The following WSCD2 variants were observed in gnomAD, a reference collection of about 807,000 sequenced individuals.
The protein encoded by WSCD2 is WSC domain sialate O sulfotransferase 2.
A neutral mutation model predicts 55.7 loss-of-function variants in WSCD2; 28 were observed. The ratio of observed to expected loss-of-function variants is 0.50; its 90% CI spans 0.37 to 0.69. WSCD2 has a LOEUF of 0.69. Among genes scored for constraint, WSCD2 ranks in the 30% least tolerant of loss-of-function variants. The probability of loss-of-function intolerance (pLI) is 0.00; values close to 1 mark genes in which losing one functional copy is unlikely to be tolerated. For synonymous variants in WSCD2, 301 were observed against 301.9 expected (o/e 1.00, Z 0.03); for missense variants, 616 against 762.1 (o/e 0.81, Z 2.26).
intron 1 of WSCD2, among the ~76,000 whole-genome samples, chr12:108,177,664 TA>T (rs1266598321): frequency 6.6e-6 from 1 of 152,182 alleles, no homozygotes; most frequent in African/African-American, 2.4e-5. Context: ...CTCACACCTG[TA>T]ATCTCAGCAC....
intron 1 of WSCD2, among the ~76,000 whole-genome samples, chr12:108,132,999 G>T (rs922327616): frequency 6.6e-6 from 1 of 152,148 alleles, no homozygotes; most frequent in Non-Finnish European, 1.5e-5. Context: ...GTAAACGTGT[G>T]TTTCTGAACG....
At chr12:108,232,579 C>T (rs771320506) in intron 6 of WSCD2, 152 bp from the exon 7 acceptor site, 10 of 679,592 alleles carry the variant, frequency 1.5e-5, no homozygotes, top group Non-Finnish European at 9.7e-6. Flanking sequence ...AAAGCTGAGG[C>T]CCAAGGAAGC....
intron 1 of WSCD2, among the ~76,000 whole-genome samples, chr12:108,178,417 T>C (rs1376436895): frequency 2.0e-5 from 3 of 152,190 alleles, no homozygotes; most frequent in Non-Finnish European, 4.4e-5. Flanking sequence ...TGGTGAAACT[T>C]TGGCTCGCTT....
intron 1 of WSCD2, among the ~76,000 whole-genome samples, chr12:108,148,858 A>G (rs1353580376): frequency 6.6e-6 from 1 of 152,198 alleles, no homozygotes; most frequent in Non-Finnish European, 1.5e-5. Flanking sequence ...ATTTTTACAA[A>G]TGAGGCCTCT....
rs141522267 is a variant in WSCD2, at chr12:108,228,907, G to T, written c.979+1743G>T. ...TTTTGTTAGCTTTCGGGGAAGTGCTGGTTAGTCTGTGCAGAGCTGTGCTGC... is the reference window on the plus strand; with the variant it reads ...TTTTGTTAGCTTTCGGGGAAGTGCTTGTTAGTCTGTGCAGAGCTGTGCTGC... On this transcript the variant is annotated intron_variant, in intron 6 of 8. Transcript: ENST00000547525. Among the ~76,000 whole-genome samples, 334 of 152,310 alleles carry T rather than the reference G, an allele frequency of 2.2e-3. 1 individual carries two copies. Among genetic ancestry groups the T allele is most frequent in the African/African-American group, 7.6e-3 (317 of 41,540 alleles).
intron 1 of WSCD2, among the ~76,000 whole-genome samples, chr12:108,130,802 C>T (rs1875425851): frequency 6.6e-6 from 1 of 152,064 alleles, no homozygotes; most frequent in African/African-American, 2.4e-5. Context: ...GGAAGGGCCA[C>T]GTGGAGAGGG....
chr12:108,163,437 G>A (rs1302075592), intron 1 of WSCD2, among the ~76,000 whole-genome samples: 3 of 152,144 alleles, frequency 2.0e-5, no homozygotes, highest in African/African-American at 7.2e-5. Context: ...TAAGTGTGGT[G>A]GGTTGAATAA....
intron 2 of WSCD2, among the ~76,000 whole-genome samples, chr12:108,196,590 A>G (rs1012754256): frequency 7.9e-5 from 12 of 152,332 alleles, no homozygotes; most frequent in African/African-American, 2.9e-4. Context: ...AGCACTTTAC[A>G]TATATAGAAA....
At chr12:108,185,669 C>T (rs541838024) in intron 1 of WSCD2, among the ~76,000 whole-genome samples, 5 of 152,310 alleles carry the variant, frequency 3.3e-5, no homozygotes, top group African/African-American at 4.8e-5. Context: ...GCTTACTCTA[C>T]GCCATTCCCT....
At chr12:108,247,640 C>T (rs1189327549) in intron 8 of WSCD2, among the ~76,000 whole-genome samples, 9 of 152,250 alleles carry the variant, frequency 5.9e-5, no homozygotes, top group African/African-American at 2.2e-4. Flanking sequence ...ACTGCAGCCT[C>T]GACCTCCTGG....
At chr12:108,222,230 C>T (rs892316260) in intron 4 of WSCD2, among the ~76,000 whole-genome samples, 4 of 152,214 alleles carry the variant, frequency 2.6e-5, no homozygotes, top group African/African-American at 9.7e-5. Flanking sequence ...GACACCGCTA[C>T]AGAGAGAGAC....
chr12:108,196,470 G>C, intron 2 of WSCD2: 1 of 491,088 alleles, frequency 2.0e-6, no homozygotes, highest in Non-Finnish European at 3.6e-6. Context: ...TCTATCAGAG[G>C]TCAAAGTCTG....
rs139858115 is a variant in WSCD2 at position 108,218,305 on chromosome 12, AAC to A, written c.683-6432_683-6431del. 5.0e-3 allele frequency among the ~76,000 whole-genome samples: 760 copies of A among 152,332 alleles called. 33 individuals are homozygous for A. In the East Asian group the frequency reaches 0.11, roughly 22 times the overall value. On this transcript the variant is annotated intron_variant, in intron 4 of 8. Transcript: ENST00000547525. ...AAGATGCTGAGTTCCAGAGAGGAGA[AAC>A]AGAGTCGGGATTAGAGCTCGTGTTT...
intron 1 of WSCD2, among the ~76,000 whole-genome samples, chr12:108,160,118 G>A (rs955484545): frequency 6.6e-6 from 1 of 152,162 alleles, no homozygotes; most frequent in African/African-American, 2.4e-5. Flanking sequence ...GCCAAGGATG[G>A]CTGCTGAAGG....
In WSCD2 at chr12:108,129,481, C is replaced by A. The variant is rs1875253349; in HGVS notation, c.-997C>A. On this transcript the variant is annotated 5_prime_UTR_variant, in exon 1 of 9. Coordinates refer to ENST00000547525, the MANE Select transcript of WSCD2 (RefSeq NM_014653.4). Reference sequence around the variant, plus strand: ...GGCCCGGGCATCTCCATCCCCGGGGCGGGTGCCCGCGCGGGGCCTCGCCGC... The same window carrying A: ...GGCCCGGGCATCTCCATCCCCGGGGAGGGTGCCCGCGCGGGGCCTCGCCGC... The A allele has an allele frequency of 6.6e-6, 1 of 151,450 alleles. No homozygotes were observed. The highest frequency in any genetic ancestry group is 2.4e-5 in the African/African-American group (1 of 41,354). 9.4% of individuals were successfully genotyped at this position (151,450 alleles called of 1,614,324 possible).
At chr12:108,211,144 T>C (rs1177991608) in intron 4 of WSCD2, among the ~76,000 whole-genome samples, 1 of 152,242 alleles carries the variant, frequency 6.6e-6, no homozygotes, top group Non-Finnish European at 1.5e-5. Flanking sequence ...TTGTTCATTA[T>C]CCCCAACCAG....
intron 4 of WSCD2, among the ~76,000 whole-genome samples, chr12:108,219,705 A>T (rs1887258445): frequency 6.6e-6 from 1 of 152,234 alleles, no homozygotes; most frequent in African/African-American, 2.4e-5. Flanking sequence ...GGACTCAAGA[A>T]AGGACCCACA....
chr12:108,175,724 C>T (rs1410484363), intron 1 of WSCD2, among the ~76,000 whole-genome samples: 2 of 152,222 alleles, frequency 1.3e-5, no homozygotes, highest in Non-Finnish European at 2.9e-5. Flanking sequence ...TTTCAGGCGC[C>T]TAGAATAAGT....
At chr12:108,132,848 G>A (rs1177240284) in intron 1 of WSCD2, among the ~76,000 whole-genome samples, 1 of 152,186 alleles carries the variant, frequency 6.6e-6, no homozygotes, top group Admixed American at 6.5e-5. Context: ...TGCACTTACA[G>A]GCATTATGTA....
Sources: allele counts gnomAD v4.1 joint callset (sites outside exome capture counted in the v4.1 genomes callset), GRCh38; gene constraint gnomAD v4.1.1; transcripts MANE v1.5; gene names NCBI Gene and HGNC (gene_info 2026-07-23, HGNC 2026-07-21).